TIAL1: variants seen among roughly 807,000 people sequenced by gnomAD.
TIAL1 encodes the protein nucleolysin TIAR.
In TIAL1, 7 loss-of-function variants were observed where a neutral mutation model predicts 59.7. The observed-to-expected ratio is 0.12, with a 90% confidence interval of 0.07 to 0.22. The LOEUF (loss-of-function observed/expected upper bound fraction) is 0.22. Ranked by LOEUF, TIAL1 falls within the 10% of genes least tolerant of loss-of-function variation. TIAL1 has a pLI of 1.00. For missense variants in TIAL1, 225 were observed against 462.5 expected (o/e 0.49, Z 4.71); for synonymous variants, 149 against 146.3 (o/e 1.02, Z -0.13).
At chr10:119,580,232 C>T (rs145252884) in intron 5 of TIAL1, 4 of 447,268 alleles carry the variant, frequency 8.9e-6, no homozygotes, top group Admixed American at 8.0e-5. Flanking sequence ...ATCAAATAGC[C>T]TGTGCTTTCT....
At chr10:119,591,407 GAA>G (rs796544851) in intron 1 of TIAL1, among the ~76,000 whole-genome samples, 4 of 128,790 alleles carry the variant, frequency 3.1e-5, no homozygotes, top group Admixed American at 7.9e-5. Flanking sequence ...AACTCCATCT[GAA>G]AAAAAAAAAA....
At chr10:119,580,658 A>C (rs1328424824) in intron 5 of TIAL1, 41 of 995,658 alleles carry the variant, frequency 4.1e-5, no homozygotes, top group Non-Finnish European at 4.9e-5. Flanking sequence ...TTAGTGAGTA[A>C]GTTAAATGAT....
At chr10:119,595,898 G>A (rs917282385) in intron 1 of TIAL1, among the ~76,000 whole-genome samples, 3 of 152,204 alleles carry the variant, frequency 2.0e-5, no homozygotes, top group African/African-American at 7.2e-5. Flanking sequence ...CATAAAGAGA[G>A]AAGGGGCTTG....
chr10:119,594,693 C>T (rs1229804258), intron 1 of TIAL1, among the ~76,000 whole-genome samples: 1 of 152,124 alleles, frequency 6.6e-6, no homozygotes, highest in African/African-American at 2.4e-5. Flanking sequence ...GGTGCAATCT[C>T]GGCTCACTGC....
chr10:119,582,145 G>T lies in TIAL1; in HGVS notation c.283+24C>A. On this transcript the variant is annotated intron_variant, in intron 4 of 11. Transcript: ENST00000436547. The surrounding 1 kb of genome is among the most constrained non-coding windows in gnomAD (Gnocchi z 5.1). ...TGGATAATTTCAGAACTCTTCCACA[G>T]TAAAATGCAGCAGGAGTACTTACTG... 1 of 1,604,154 alleles carries T rather than the reference G, an allele frequency of 6.2e-7. No homozygotes were observed. The highest frequency in any genetic ancestry group is 2.2e-5 in the East Asian group (1 of 44,802).
At position 119,596,580 on chromosome 10, in the gene TIAL1, C is replaced by T; in HGVS notation, c.-115G>A. ...CACCGGCTGGGGACAGAGGAAAAGG[C>T]ACCGAACCCTGCTCTCGGGCTCTCT... On this transcript the variant is annotated 5_prime_UTR_variant, in exon 1 of 12. Transcript: ENST00000436547. 1 of 825,276 alleles carries T rather than the reference C, an allele frequency of 1.2e-6. No homozygotes were observed. Among genetic ancestry groups the T allele is most frequent in the Non-Finnish European group, 1.9e-6 (1 of 530,156 alleles). 51.1% of individuals were successfully genotyped at this position (825,276 alleles called of 1,614,324 possible). A position where few individuals can be genotyped will look rare whatever the true frequency, so the allele number is the denominator to read the frequency against.
chr10:119,590,223 C>A (rs1845780047), intron 1 of TIAL1, among the ~76,000 whole-genome samples: 1 of 152,224 alleles, frequency 6.6e-6, no homozygotes, highest in African/African-American at 2.4e-5. Context: ...GTCCACTATG[C>A]CACCTTTTCC....
At chr10:119,592,226 C>T (rs2134006557) in intron 1 of TIAL1, 1 of 152,240 alleles carries the variant, frequency 6.6e-6, no homozygotes, top group African/African-American at 2.4e-5. Flanking sequence ...TGATTTTTAA[C>T]TCAACGAAAA....
intron 1 of TIAL1, among the ~76,000 whole-genome samples, chr10:119,591,450 G>T (rs532602311): frequency 2.0e-5 from 3 of 151,110 alleles, no homozygotes; most frequent in Non-Finnish European, 4.4e-5. Context: ...CCTATTTCCC[G>T]CCAGTTACAG....
In TIAL1 at chr10:119,582,160, A is replaced by G. The variant is rs774128177; in HGVS notation, c.283+9T>C. 1.2e-6 allele frequency: 2 copies of G among 1,606,702 alleles called. No homozygotes were observed. On this transcript the variant is annotated intron_variant, in intron 4 of 11. Transcript: ENST00000436547. The surrounding 1 kb of genome is among the most constrained non-coding windows in gnomAD (Gnocchi z 5.1). Reference sequence around the variant, plus strand: ...CTCTTCCACAGTAAAATGCAGCAGGAGTACTTACTGGAAGTATCTTTTTTC... The same window carrying G: ...CTCTTCCACAGTAAAATGCAGCAGGGGTACTTACTGGAAGTATCTTTTTTC...
chr10:119,582,062 CTTT>C lies in TIAL1; in HGVS notation c.284-56_284-54del. On this transcript the variant is annotated intron_variant, in intron 4 of 11. Coordinates refer to ENST00000436547, the MANE Select transcript of TIAL1 (RefSeq NM_003252.4). This position sits in a 1 kb window ranked among gnomAD's most constrained non-coding sequence, Gnocchi z 5.1. Reference sequence around the variant, plus strand: ...TACTTAAGAAGTCAGCCACTAAAACCTTTTTAAGGCAACTCTAGAGGAGGAAAA... The same window carrying C: ...TACTTAAGAAGTCAGCCACTAAAACCTTAAGGCAACTCTAGAGGAGGAAAA... The C allele has an allele frequency of 6.2e-7, 1 of 1,605,544 alleles. No individual in the cohort carries two copies. The highest frequency in any genetic ancestry group is 8.5e-7 in the Non-Finnish European group (1 of 1,173,362).
intron 1 of TIAL1, among the ~76,000 whole-genome samples, chr10:119,592,826 T>C (rs1213445428): frequency 6.6e-6 from 1 of 151,918 alleles, no homozygotes; most frequent in African/African-American, 2.4e-5. Context: ...ACAAAGAATA[T>C]GATTAAGTTG....
intron 1 of TIAL1, chr10:119,591,835 C>T (rs976679752): frequency 6.6e-6 from 1 of 152,202 alleles, no homozygotes; most frequent in Admixed American, 6.5e-5. Context: ...TGCCTTCGTG[C>T]ATCATAACAC....
At position 119,588,268 on chromosome 10, in the gene TIAL1, G is replaced by A. The variant is rs574316311; in HGVS notation, c.33-20C>T. On this transcript the variant is annotated intron_variant, in intron 1 of 11. Transcript: ENST00000436547. ...ACGTATCTGCACAAGAAAAAAATACGTTATCAGCAATTTTTCCTTTAGCTC... is the reference window on the plus strand; with the variant it reads ...ACGTATCTGCACAAGAAAAAAATACATTATCAGCAATTTTTCCTTTAGCTC... The A allele has an allele frequency of 4.7e-6, 7 of 1,482,814 alleles. No individual in the cohort carries two copies. Among genetic ancestry groups the A allele is most frequent in the Middle Eastern group, 1.8e-4 (1 of 5,634 alleles). The allele number at this position is 1,482,814 out of a possible 1,614,324, so 91.9% of individuals were successfully genotyped here. A position where few individuals can be genotyped will look rare whatever the true frequency, so the allele number is the denominator to read the frequency against.
chr10:119,582,665 A>ACTGCATAAGCTTATGAAAGC lies in TIAL1; in HGVS notation c.130-128_130-109dup. 6.6e-7 allele frequency: 1 copy of ACTGCATAAGCTTATGAAAGC among 1,521,724 alleles called. No individual in the cohort carries two copies. The highest frequency in any genetic ancestry group is 1.3e-5 in the South Asian group (1 of 76,484). 94.3% of individuals were successfully genotyped at this position (1,521,724 alleles called of 1,614,324 possible). A position where few individuals can be genotyped will look rare whatever the true frequency, so the allele number is the denominator to read the frequency against. Reference sequence around the variant, plus strand: ...GATAGCTGGGAATATACAAGGTGAGACTGCATAAGCTTATGAAAGCCTAAC... The same window carrying ACTGCATAAGCTTATGAAAGC: ...GATAGCTGGGAATATACAAGGTGAGACTGCATAAGCTTATGAAAGCCTGCATAAGCTTATGAAAGCCTAAC... On this transcript the variant is annotated intron_variant, in intron 2 of 11. Transcript: ENST00000436547. The surrounding 1 kb of genome is among the most constrained non-coding windows in gnomAD (Gnocchi z 5.1).
chr10:119,579,099 G>C (rs930301776), intron 6 of TIAL1, among the ~76,000 whole-genome samples: 1 of 152,162 alleles, frequency 6.6e-6, no homozygotes, highest in Non-Finnish European at 1.5e-5. Context: ...CACTTTGGGA[G>C]GCCAAGGCAG....
chr10:119,577,228 TTG>T (rs765437994), intron 9 of TIAL1, 25 bp from the exon 10 acceptor site: 2 of 1,581,982 alleles, frequency 1.3e-6, no homozygotes, highest in Middle Eastern at 1.7e-4. Context: ...TGATATGGTT[TTG>T]TCTTTTATTT....
In TIAL1 at chr10:119,575,653, TAG is replaced by T. The variant is rs745533594; in HGVS notation, c.*10_*11del. 11 of 1,613,620 alleles carry T rather than the reference TAG, an allele frequency of 6.8e-6. No individual in the cohort carries two copies. In the Middle Eastern group the frequency reaches 8.3e-4, roughly 121 times the overall value. On this transcript the variant is annotated 3_prime_UTR_variant, in exon 12 of 12. Coordinates refer to ENST00000436547, the MANE Select transcript of TIAL1 (RefSeq NM_003252.4). ...CCTATCATGAATTACAATTTTTTTTTAGAGTCCCGGCTCACTGTGTTTGGTAA... is the reference window on the plus strand; with the variant it reads ...CCTATCATGAATTACAATTTTTTTTTAGTCCCGGCTCACTGTGTTTGGTAA...
chr10:119,584,832 A>C (rs1223055866), intron 2 of TIAL1, among the ~76,000 whole-genome samples: 1 of 151,792 alleles, frequency 6.6e-6, no homozygotes, highest in Non-Finnish European at 1.5e-5. Flanking sequence ...CTGTCTCAAA[A>C]AAAAGTGCTC....
Sources: gnomAD v4.1 joint callset for allele counts (sites outside exome capture counted in the v4.1 genomes callset) on GRCh38, gnomAD v4.1.1 for gene constraint, Gnocchi (gnomAD v3.1) non-coding constraint, MANE v1.5 for transcripts, NCBI Gene and HGNC (gene_info 2026-07-23, HGNC 2026-07-21) for gene names.